The following VWA5B2 variants were observed in gnomAD, a reference collection of about 807,000 sequenced individuals.
The protein encoded by VWA5B2 is von Willebrand factor A domain containing 5B2.
Under a neutral mutation model 118.5 loss-of-function variants are expected in VWA5B2, and 93 were observed. That is an observed-to-expected ratio of 0.79 (90% CI 0.66 to 0.93). The LOEUF (loss-of-function observed/expected upper bound fraction) is 0.93, where lower values mean the gene tolerates loss of function less well. Among genes scored for constraint, VWA5B2 ranks in the 40% least tolerant of loss-of-function variants. The probability of loss-of-function intolerance (pLI) is 0.00; values close to 1 mark genes in which losing one functional copy is unlikely to be tolerated. For synonymous variants in VWA5B2, 708 were observed against 716.3 expected (o/e 0.99, Z 0.19); for missense variants, 1,546 against 1,672.8 (o/e 0.92, Z 1.32).
rs1216243570 is a variant in VWA5B2 at position 184,234,264 on chromosome 3, A to G, written c.689-2A>G. On this transcript the variant is annotated splice_acceptor_variant, in intron 5 of 19. Coordinates refer to ENST00000691901, the MANE Select transcript of VWA5B2 (RefSeq NM_001390846.1). LOFTEE classifies it high-confidence loss of function. ...TCCCCTTCCTGCCTCTATGTCCCTC[A>G]GGCCTGGAGAGCCCCTCTCATGCTC... 2 of 1,551,370 alleles carry G rather than the reference A, an allele frequency of 1.3e-6. No individual in the cohort carries two copies. The highest frequency in any genetic ancestry group is 1.4e-5 in the African/African-American group (1 of 73,032).
rs774177785 is a variant in VWA5B2, at chr3:184,238,631, C to T, written c.1960C>T (p.Arg654Cys). The T allele has an allele frequency of 2.6e-5, 40 of 1,551,868 alleles. No homozygotes were observed. Among genetic ancestry groups the T allele is most frequent in the Non-Finnish European group, 3.0e-5 (34 of 1,147,116 alleles). Residue 654 changes from arginine (R) to cysteine (C), a missense_variant, in exon 14 of 20, where the codon CGC (arginine) becomes TGC (cysteine). Arg to Cys is a radical substitution (Grantham distance 180). Around this residue, in one of 3 missense-constraint regions of VWA5B2, gnomAD observed 775 missense variants for 882.3 expected, o/e 0.88. Coordinates refer to ENST00000691901, the MANE Select transcript of VWA5B2 (RefSeq NM_001390846.1). The surrounding 1 kb of genome is among the most constrained non-coding windows in gnomAD (Gnocchi z 5.0). ...PNPSDTAIWRRIFQSSYIREQ... is the reference protein window; with the variant it reads ...PNPSDTAIWRCIFQSSYIREQ... ...CCCCTCTGACACAGCCATATGGCGC[C>T]GCATCTTTCAGTCCTCGTACATTCG...
At chr3:184,235,086 CCACTGCCCACCCTCAA>C in intron 7 of VWA5B2, 51 bp from the exon 8 acceptor site, 1 of 1,511,786 alleles carries the variant, frequency 6.6e-7, no homozygotes, top group South Asian at 1.2e-5. Context: ...AGAGCCAGTC[CCACTGCCCACCCTCAA>C]CAAAGTAGCA....
chr3:184,230,028 TGCCCCCGCGATCCCTCGCAGG>T (rs1464813518), intron 1 of VWA5B2, among the ~76,000 whole-genome samples: 1 of 152,188 alleles, frequency 6.6e-6, no homozygotes, highest in Non-Finnish European at 1.5e-5. Context: ...CCATCCACCC[TGCCCCCGCGATCCCTCGCAGG>T]GCCGGGGGCC....
Position 184,238,471 on chromosome 3 carries a change from C to T in VWA5B2, c.1888C>T (p.Gln630Ter), listed in dbSNP as rs372328431. 6.5e-7 allele frequency: 1 copy of T among 1,544,540 alleles called. No homozygotes were observed. The highest frequency in any genetic ancestry group is 2.0e-5 in the Admixed American group (1 of 50,730). ...CCCATGGGCTGCCAGGGACTCGGAGCAGAGTGAGTGCCCAGGTGTATGTGT... is the reference window on the plus strand; with the variant it reads ...CCCATGGGCTGCCAGGGACTCGGAGTAGAGTGAGTGCCCAGGTGTATGTGT... Reference protein sequence around the residue: ...SSPWAARDSEQSTDALTDPVT... With the variant: ...SSPWAARDSE The change falls in exon 13 of 20, where the codon CAG (glutamine) becomes TAG (stop). Residue 630 changes from glutamine to a stop codon, truncating the protein, a stop_gained. Transcript: ENST00000691901. LOFTEE classifies it high-confidence loss of function. The surrounding 1 kb of genome is among the most constrained non-coding windows in gnomAD (Gnocchi z 5.0).
chr3:184,232,985 T>A, intron 3 of VWA5B2, 193 bp from the exon 4 acceptor site: 2 of 599,606 alleles, frequency 3.3e-6, no homozygotes, highest in South Asian at 4.0e-5. Flanking sequence ...GCCAGATCTG[T>A]TCACAGTTAG....
At position 184,238,602 on chromosome 3, in the gene VWA5B2, C is replaced by T; in HGVS notation, c.1931C>T (p.Pro644Leu). 1.3e-6 allele frequency: 2 copies of T among 1,551,606 alleles called. 1 individual carries two copies. The highest frequency in any genetic ancestry group is 1.7e-6 in the Non-Finnish European group (2 of 1,146,818). ...ALTDPVTDPG[P>L]NPSDTAIWRR... Reference sequence around the variant, plus strand: ...ACAGACCCAGTCACGGATCCTGGACCCAACCCCTCTGACACAGCCATATGG... The same window carrying T: ...ACAGACCCAGTCACGGATCCTGGACTCAACCCCTCTGACACAGCCATATGG... The change falls in exon 14 of 20, where the codon CCC (proline) becomes CTC (leucine). Residue 644 changes from proline to leucine, a missense_variant. Pro to Leu is a moderately conservative substitution (Grantham distance 98). Around this residue, in one of 3 missense-constraint regions of VWA5B2, gnomAD observed 775 missense variants for 882.3 expected, o/e 0.88. Coordinates refer to ENST00000691901, the MANE Select transcript of VWA5B2 (RefSeq NM_001390846.1). The surrounding 1 kb of genome is among the most constrained non-coding windows in gnomAD (Gnocchi z 5.0).
Position 184,241,793 on chromosome 3 carries a change from C to A in VWA5B2, c.3484C>A (p.Leu1162Met), listed in dbSNP as rs1204779691. Residue 1162 changes from leucine (L) to methionine (M), a missense_variant, in exon 20 of 20, where the codon CTG (leucine) becomes ATG (methionine). Transcript: ENST00000691901. The surrounding 1 kb of genome is among the most constrained non-coding windows in gnomAD (Gnocchi z 5.1). ...GGCGGAAGGGCTGGGCGGCACCGAC[C>A]TGCGGGGCCGGACCTGGGCCACTGC... ...EGAEGLGGTD[L>M]RGRTWATAVA... The A allele has an allele frequency of 6.7e-7, 1 of 1,498,158 alleles. No individual in the cohort carries two copies. 92.8% of individuals were successfully genotyped at this position (1,498,158 alleles called of 1,614,324 possible).
At chr3:184,230,982 C>T in intron 3 of VWA5B2, 65 bp downstream of exon 3, 1 of 1,204,142 alleles carries the variant, frequency 8.3e-7, no homozygotes, top group Non-Finnish European at 1.0e-6. Flanking sequence ...CCCGCATCCG[C>T]TCGGCCTCCG....
chr3:184,234,167 CTG>C lies in VWA5B2; in HGVS notation c.689-98_689-97del, dbSNP rs1338557542. The C allele has an allele frequency of 4.9e-6, 7 of 1,436,936 alleles. No homozygotes were observed. In the African/African-American group the frequency reaches 8.4e-5, roughly 17 times the overall value. 89.0% of individuals were successfully genotyped at this position (1,436,936 alleles called of 1,614,324 possible). ...CATCTGACCCCATATAGATCAGACT[CTG>C]AGAGCTGACTGAATCAGCCATGACC... is the stretch of plus-strand genomic sequence containing the variant. On this transcript the variant is annotated intron_variant, in intron 5 of 19. Transcript: ENST00000691901.
At chr3:184,235,349 G>A in intron 8 of VWA5B2, 41 bp downstream of exon 8, 1 of 1,540,014 alleles carries the variant, frequency 6.5e-7, no homozygotes. Flanking sequence ...GGGGTTGGGT[G>A]GGGCAGTGGG....
In VWA5B2 at chr3:184,239,293, C is replaced by T; in HGVS notation, c.2203-101C>T. The T allele has an allele frequency of 7.5e-7, 1 of 1,327,592 alleles. No individual in the cohort carries two copies. The highest frequency in any genetic ancestry group is 9.9e-7 in the Non-Finnish European group (1 of 1,014,500). The allele number at this position is 1,327,592 out of a possible 1,614,324, so 82.2% of individuals were successfully genotyped here. A position where few individuals can be genotyped will look rare whatever the true frequency, so the allele number is the denominator to read the frequency against. On this transcript the variant is annotated intron_variant, in intron 14 of 19. Transcript: ENST00000691901. The surrounding 1 kb of genome is among the most constrained non-coding windows in gnomAD (Gnocchi z 5.1). ...TCCTCCTCAAGCTGGTGAGCGGCCA[C>T]CCAGGGTTTCAGAAAAGGGGCATGG...
In VWA5B2 at chr3:184,241,307, CCT is replaced by C; in HGVS notation, c.3084_3085del (p.Cys1029SerfsTer12). On this transcript the variant is annotated frameshift_variant, in exon 19 of 20. Coordinates refer to ENST00000691901, the MANE Select transcript of VWA5B2 (RefSeq NM_001390846.1). LOFTEE classifies it high-confidence loss of function. The surrounding 1 kb of genome is among the most constrained non-coding windows in gnomAD (Gnocchi z 5.1). ...CCTCGCCGCCCACCTCCCCGTCCTC[CCT>C]GTCGGCTCAGCATGGGCCGCCGTCA... The C allele has an allele frequency of 6.4e-7, 1 of 1,551,356 alleles. No individual in the cohort carries two copies. The highest frequency in any genetic ancestry group is 8.7e-7 in the Non-Finnish European group (1 of 1,146,996).
At chr3:184,235,926 C>T (rs1560153208) in intron 8 of VWA5B2, among the ~76,000 whole-genome samples, 1 of 151,992 alleles carries the variant, frequency 6.6e-6, no homozygotes, top group Non-Finnish European at 1.5e-5. Context: ...TCATGTATAC[C>T]TCCAGAGTCC....
chr3:184,237,527 C>A lies in VWA5B2; in HGVS notation c.1719+116C>A. 4 of 1,150,588 alleles carry A rather than the reference C, an allele frequency of 3.5e-6. No individual in the cohort carries two copies. The highest frequency in any genetic ancestry group is 4.8e-6 in the Non-Finnish European group (4 of 825,250). 71.3% of individuals were successfully genotyped at this position (1,150,588 alleles called of 1,614,324 possible). ...TTCCATTCTCTGTGCCTCTCTCTAC[C>A]AAGCTTCTCTACTATCCCCTAGGAC... On this transcript the variant is annotated intron_variant, in intron 12 of 19. Coordinates refer to ENST00000691901, the MANE Select transcript of VWA5B2 (RefSeq NM_001390846.1). This position sits in a 1 kb window ranked among gnomAD's most constrained non-coding sequence, Gnocchi z 5.6.
At position 184,241,588 on chromosome 3, in the gene VWA5B2, T is replaced by G; in HGVS notation, c.3279T>G (p.Phe1093Leu). 5.2e-6 allele frequency: 8 copies of G among 1,546,440 alleles called. No individual in the cohort carries two copies. Among genetic ancestry groups the G allele is most frequent in the Non-Finnish European group, 7.0e-6 (8 of 1,146,666 alleles). Residue 1093 changes from phenylalanine to leucine, a missense_variant, in exon 20 of 20, where the codon TTT becomes TTG. By Grantham distance (22) the Phe-to-Leu change is conservative. Transcript: ENST00000691901. This position sits in a 1 kb window ranked among gnomAD's most constrained non-coding sequence, Gnocchi z 5.1. Reference sequence around the variant, plus strand: ...AGCGCCTCTGCCGTGCCTCGCCCTTTGCCGTGCACCGCGCCAGCCTCAGCC... The same window carrying G: ...AGCGCCTCTGCCGTGCCTCGCCCTTGGCCGTGCACCGCGCCAGCCTCAGCC... ...SQERLCRASP[F>L]AVHRASLSPT...
Position 184,234,387 on chromosome 3 carries a change from G to A in VWA5B2, c.810G>A (p.Leu270=), listed in dbSNP as rs769029205. 13 of 1,551,798 alleles carry A rather than the reference G, an allele frequency of 8.4e-6. No homozygotes were observed. In the South Asian group the frequency reaches 1.4e-4, roughly 17 times the overall value. ...GTGACCGGGCCTTGGAGATCCTGCT[G>A]CACCCCAGTGGTGAGAGACTGGGAC... The part of the protein sequence containing the change: ...HHCDRALEIL[L]HPSEPHQPHL... Residue 270 remains leucine, a synonymous_variant, in exon 6 of 20, where the codon CTG becomes CTA. Transcript: ENST00000691901.
chr3:184,229,709 C>G lies in VWA5B2; in HGVS notation c.-154C>G, dbSNP rs1054929709. 6.6e-6 allele frequency among the ~76,000 whole-genome samples: 1 copy of G among 152,124 alleles called. No individual in the cohort carries two copies. Among genetic ancestry groups the G allele is most frequent in the Non-Finnish European group, 1.5e-5 (1 of 67,994 alleles). On this transcript the variant is annotated 5_prime_UTR_variant, in exon 1 of 20. Coordinates refer to ENST00000691901, the MANE Select transcript of VWA5B2 (RefSeq NM_001390846.1). ...GGCACCTAGAACTCCGCGGAGGGCG[C>G]GACGGTGAGGCTGAGACTGCCACAG... is the stretch of plus-strand genomic sequence containing the variant.
In VWA5B2 at chr3:184,239,574, G is replaced by A. The variant is rs1718349230; in HGVS notation, c.2383G>A (p.Asp795Asn). The A allele has an allele frequency of 6.6e-7, 1 of 1,523,508 alleles. No individual in the cohort carries two copies. The allele number at this position is 1,523,508 out of a possible 1,614,324, so 94.4% of individuals were successfully genotyped here. A position where few individuals can be genotyped will look rare whatever the true frequency, so the allele number is the denominator to read the frequency against. The change falls in exon 15 of 20, where the codon GAT becomes AAT. Residue 795 changes from aspartate (D) to asparagine (N), a missense_variant. Asp to Asn is a conservative substitution (Grantham distance 23). Coordinates refer to ENST00000691901, the MANE Select transcript of VWA5B2 (RefSeq NM_001390846.1). This position sits in a 1 kb window ranked among gnomAD's most constrained non-coding sequence, Gnocchi z 5.1. ...EPGQQLGQGL[D>N]DSGNLLSPAP... is the part of the protein sequence containing the mutation. The stretch of plus-strand genomic sequence containing the variant: ...AGGCCAACAGTTGGGACAAGGCCTG[G>A]ATGACTCAGGTAAGTGTTGGATGGG...
At chr3:184,236,922 C>T (rs1025475888) in intron 11 of VWA5B2, among the ~76,000 whole-genome samples, 173 bp downstream of exon 11, 3 of 152,190 alleles carry the variant, frequency 2.0e-5, no homozygotes, top group African/African-American at 7.2e-5. Flanking sequence ...CCAAAGGTGT[C>T]AGGACACTGT....
Sources: allele counts gnomAD v4.1 joint callset (sites outside exome capture counted in the v4.1 genomes callset), GRCh38; gene constraint gnomAD v4.1.1; regional missense constraint gnomAD v4.1.1; non-coding constraint Gnocchi (gnomAD v3.1); transcripts MANE v1.5; gene names NCBI Gene and HGNC (gene_info 2026-07-23, HGNC 2026-07-21).